MAK: variants seen among roughly 807,000 people sequenced by gnomAD.
MAK encodes the protein male germ cell associated kinase.
Under a neutral mutation model 82.6 loss-of-function variants are expected in MAK, and 65 were observed. The ratio of observed to expected loss-of-function variants is 0.79; its 90% CI spans 0.64 to 0.97. The LOEUF (loss-of-function observed/expected upper bound fraction) is 0.97, where lower values mean the gene tolerates loss of function less well. Ranked by LOEUF, MAK falls within the 50% of genes least tolerant of loss-of-function variation. The probability of loss-of-function intolerance (pLI) is 0.00; values close to 1 mark genes in which losing one functional copy is unlikely to be tolerated. For synonymous variants in MAK, 250 were observed against 274.2 expected (o/e 0.91, Z 0.87); for missense variants, 703 against 780.2 (o/e 0.90, Z 1.18).
chr6:10,779,268 T>G, intron 11 of MAK: 1 of 909,036 alleles, frequency 1.1e-6, no homozygotes, highest in Non-Finnish European at 1.3e-6. Flanking sequence ...GAGATTAGCT[T>G]TCAATTGCAT....
chr6:10,832,515 C>T (rs1030205216), intron 1 of MAK, among the ~76,000 whole-genome samples: 2 of 152,216 alleles, frequency 1.3e-5, no homozygotes, highest in African/African-American at 4.8e-5. Context: ...CGGTCAGCAG[C>T]CATCAACACA....
At chr6:10,825,317 T>C (rs978062217) in intron 2 of MAK, among the ~76,000 whole-genome samples, 1 of 152,230 alleles carries the variant, frequency 6.6e-6, no homozygotes, top group African/African-American at 2.4e-5. Flanking sequence ...GACTTCTTGA[T>C]ACGTGCTTCT....
At chr6:10,777,929 C>T (rs1022536002) in intron 11 of MAK, among the ~76,000 whole-genome samples, 8 of 152,280 alleles carry the variant, frequency 5.3e-5, no homozygotes, top group Non-Finnish European at 1.2e-4. Context: ...TGAGCCACCT[C>T]GCCTGGCCTC....
chr6:10,809,562 G>A lies in MAK; in HGVS notation c.359-620C>T, dbSNP rs184741598. Among the ~76,000 whole-genome samples, 84 of 152,188 alleles carry A rather than the reference G, an allele frequency of 5.5e-4. 1 individual carries two copies. The highest frequency in any genetic ancestry group is 8.5e-4 in the Admixed American group (13 of 15,280). ...GGCTGAGAAGAGCACTTTTTAATCA[G>A]GCTTGAGTCAGTGCAGCTGACTTCT... On this transcript the variant is annotated intron_variant, in intron 5 of 14. Transcript: ENST00000354489.
At chr6:10,825,433 G>A (rs1778291517) in intron 2 of MAK, among the ~76,000 whole-genome samples, 1 of 151,162 alleles carries the variant, frequency 6.6e-6, no homozygotes, top group African/African-American at 2.4e-5. Context: ...TCCTATTCCA[G>A]GGCCCATCCT....
At chr6:10,767,812 CAAA>C (rs1772602795) in intron 14 of MAK, among the ~76,000 whole-genome samples, 1 of 140,874 alleles carries the variant, frequency 7.1e-6, no homozygotes, top group Non-Finnish European at 1.6e-5. Context: ...AAAAAAAAAA[CAAA>C]AACAAAAATC....
At chr6:10,827,594 T>G (rs996909324) in intron 2 of MAK, 5 of 152,258 alleles carry the variant, frequency 3.3e-5, no homozygotes, top group Non-Finnish European at 5.9e-5. Context: ...ATATAGGTTT[T>G]CGTACTAATT....
intron 11 of MAK, among the ~76,000 whole-genome samples, chr6:10,777,899 A>C (rs1414791463): frequency 1.3e-5 from 2 of 152,156 alleles, no homozygotes; most frequent in Non-Finnish European, 2.9e-5. Flanking sequence ...CAGCCTCCCA[A>C]AGTGCTGGGA....
chr6:10,799,125 C>T (rs1252599633), intron 8 of MAK, among the ~76,000 whole-genome samples: 13 of 151,960 alleles, frequency 8.6e-5, no homozygotes, highest in Admixed American at 7.9e-4. Flanking sequence ...GCAGAGCCAC[C>T]GCACATGGTT....
intron 8 of MAK, chr6:10,798,035 T>G: frequency 1.2e-6 from 1 of 859,680 alleles, no homozygotes; most frequent in African/African-American, 1.8e-5. Context: ...TATTCCTAAA[T>G]TAATGATGCA....
chr6:10,792,683 G>C (rs1265251055), intron 9 of MAK, among the ~76,000 whole-genome samples: 2 of 152,196 alleles, frequency 1.3e-5, no homozygotes, highest in Non-Finnish European at 2.9e-5. Context: ...CTAGGGAAGA[G>C]AGCATGGAAA....
At chr6:10,781,845 C>G (rs1272281440) in intron 11 of MAK, among the ~76,000 whole-genome samples, 1 of 152,030 alleles carries the variant, frequency 6.6e-6, no homozygotes, top group Non-Finnish European at 1.5e-5. Flanking sequence ...CAGGTTTTTT[C>G]AGGCCCACTT....
At chr6:10,804,028 C>T in intron 6 of MAK, 137 bp from the exon 7 acceptor site, 1 of 740,340 alleles carries the variant, frequency 1.4e-6, no homozygotes, top group East Asian at 2.7e-5. Context: ...GTGTGTCAGG[C>T]ATTTGTACAA....
intron 4 of MAK, among the ~76,000 whole-genome samples, chr6:10,817,256 T>C (rs2030352908): frequency 6.6e-6 from 1 of 152,078 alleles, no homozygotes; most frequent in African/African-American, 2.4e-5. Context: ...GCAAAATGGA[T>C]GTTAATCTCC....
At chr6:10,835,716 T>C (rs1221621742) in intron 1 of MAK, among the ~76,000 whole-genome samples, 1 of 152,080 alleles carries the variant, frequency 6.6e-6, no homozygotes, top group Non-Finnish European at 1.5e-5. Flanking sequence ...GACATATGAC[T>C]TGAGAAGGGA....
intron 11 of MAK, among the ~76,000 whole-genome samples, chr6:10,779,127 CAAAAAA>C (rs918122203): frequency 5.0e-5 from 1 of 20,004 alleles, no homozygotes; most frequent in African/African-American, 1.6e-4. Flanking sequence ...CACTTCGTCT[CAAAAAA>C]AAAAAAAAAA....
chr6:10,813,137 T>TATA (rs1456148285), intron 5 of MAK, among the ~76,000 whole-genome samples: 2 of 334 alleles, frequency 6.0e-3, no homozygotes, highest in African/African-American at 0.032. Flanking sequence ...TATATATAAA[T>TATA]TTTTTTTTTT....
chr6:10,784,025 AAC>A (rs1220820630), intron 11 of MAK, among the ~76,000 whole-genome samples: 2 of 152,192 alleles, frequency 1.3e-5, no homozygotes, highest in African/African-American at 4.8e-5. Flanking sequence ...TCTCAAAAAA[AAC>A]AAAAAAACAA....
At chr6:10,783,457 C>T (rs1561944027) in intron 11 of MAK, among the ~76,000 whole-genome samples, 1 of 152,158 alleles carries the variant, frequency 6.6e-6, no homozygotes, top group African/African-American at 2.4e-5. Flanking sequence ...CCTTTCTCAG[C>T]TAAAGTCACC....
Sources: allele counts gnomAD v4.1 joint callset (sites outside exome capture counted in the v4.1 genomes callset), GRCh38; gene constraint gnomAD v4.1.1; transcripts MANE v1.5; gene names NCBI Gene and HGNC (gene_info 2026-07-23, HGNC 2026-07-21).